UNC13C: variants seen among roughly 807,000 people sequenced by gnomAD.
UNC13C encodes protein unc-13 homolog C.
UNC13C carries 174 observed loss-of-function variants against 245.4 expected under a neutral mutation model. That is an observed-to-expected ratio of 0.71 (90% CI 0.63 to 0.80). UNC13C has a LOEUF of 0.80. Ranked by LOEUF, UNC13C falls within the 30% of genes least tolerant of loss-of-function variation. The pLI is 0.00. For missense variants in UNC13C, 2,829 were observed against 2,602.9 expected (o/e 1.09, Z -1.89); for synonymous variants, 992 against 895.1 (o/e 1.11, Z -1.93).
chr15:53,920,894 A>G, the UNC13C span, among the ~76,000 whole-genome samples: 1 of 151,130 alleles, frequency 6.6e-6, no homozygotes, highest in African/African-American at 2.4e-5. Flanking sequence ...AATAAATAAT[A>G]AATCACACTT....
chr15:54,535,163 A>C (rs1895933717), intron 26 of UNC13C, among the ~76,000 whole-genome samples: 1 of 152,162 alleles, frequency 6.6e-6, no homozygotes, highest in Non-Finnish European at 1.5e-5. Context: ...CTCAAAGTAA[A>C]GGGATGGAGA....
intron 19 of UNC13C, among the ~76,000 whole-genome samples, chr15:54,421,066 T>C (rs1352526947): frequency 6.6e-6 from 1 of 152,076 alleles, no homozygotes; most frequent in East Asian, 1.9e-4. Flanking sequence ...CTGGTTTAAA[T>C]GATTTATGAA....
chr15:54,308,968 G>C lies in UNC13C; in HGVS notation c.4268+8595G>C, dbSNP rs192434098. On this transcript the variant is annotated intron_variant, in intron 13 of 32. Transcript: ENST00000260323. ...TTGTGAGTAATGCTGCAATAAATAT[G>C]GGTGTGCGGATATTTCTTGACATAC... 6.6e-5 allele frequency among the ~76,000 whole-genome samples: 10 copies of C among 151,886 alleles called. No homozygotes were observed. The East Asian group carries it at 1.9e-3, about 30-fold the overall frequency.
intron 4 of UNC13C, among the ~76,000 whole-genome samples, chr15:54,155,771 G>A (rs1476998670): frequency 2.6e-5 from 4 of 152,132 alleles, no homozygotes; most frequent in African/African-American, 9.7e-5. Flanking sequence ...AGTTCTCAGT[G>A]CAGACTTTAT....
intron 7 of UNC13C, among the ~76,000 whole-genome samples, chr15:54,245,553 G>A (rs1003190561): frequency 6.6e-6 from 1 of 152,054 alleles, no homozygotes; most frequent in Non-Finnish European, 1.5e-5. Context: ...CAGTTTTATA[G>A]GATGATTACT....
chr15:54,054,757 A>G (rs11071018), intron 2 of UNC13C, among the ~76,000 whole-genome samples: 129,127 of 152,064 alleles, frequency 0.85, 55,026 homozygotes, highest in Middle Eastern at 0.92. Context: ...TACCCTGCCA[A>G]GTAAATGAGA....
the UNC13C span, among the ~76,000 whole-genome samples, chr15:53,861,038 C>A: frequency 1.3e-5 from 2 of 152,228 alleles, no homozygotes; most frequent in Non-Finnish European, 2.9e-5. Flanking sequence ...TTTAAATATT[C>A]TCTGAAAGCT....
rs372142677 is a variant in UNC13C at position 54,623,850 on chromosome 15, G to A, written c.6255G>A (p.Val2085=). The part of the protein sequence containing the change: ...WQTTAMFRPF[V]EVCILGPNLG... ...CCACAGCAATGTTCCGCCCCTTTGT[G>A]GAAGTTTGTATACTGGGACCCAACC... is the stretch of plus-strand genomic sequence containing the variant. Residue 2085 remains valine (V), a synonymous_variant, in exon 32 of 33, where the codon GTG becomes GTA. Transcript: ENST00000260323. The A allele has an allele frequency of 1.1e-5, 17 of 1,613,064 alleles. No homozygotes were observed. The highest frequency in any genetic ancestry group is 2.2e-5 in the South Asian group (2 of 91,032).
chr15:53,880,613 T>G, the UNC13C span, among the ~76,000 whole-genome samples: 1 of 152,148 alleles, frequency 6.6e-6, no homozygotes. Context: ...GATAACCCAG[T>G]CTGCTCTTAA....
At chr15:54,174,620 G>A (rs75568423) in intron 4 of UNC13C, among the ~76,000 whole-genome samples, 3,683 of 152,216 alleles carry the variant, frequency 0.024, 87 homozygotes, top group East Asian at 0.099. Context: ...TCTTTGAACA[G>A]TATAATTAAA....
At chr15:54,576,433 A>T (rs1897958455) in intron 30 of UNC13C, among the ~76,000 whole-genome samples, 1 of 152,152 alleles carries the variant, frequency 6.6e-6, no homozygotes, top group African/African-American at 2.4e-5. Context: ...ATGATCTTTA[A>T]GCTGATACTT....
chr15:53,982,652 G>A (rs1893972055), intron 1 of UNC13C, among the ~76,000 whole-genome samples: 1 of 152,152 alleles, frequency 6.6e-6, no homozygotes, highest in Admixed American at 6.5e-5. Context: ...GAGAATTAAT[G>A]ACACATTCCA....
At chr15:54,495,674 T>TA (rs886679810) in intron 20 of UNC13C, among the ~76,000 whole-genome samples, 2 of 151,926 alleles carry the variant, frequency 1.3e-5, no homozygotes, top group African/African-American at 4.8e-5. Flanking sequence ...AGTAATATTT[T>TA]AAAAAAATAA....
intron 32 of UNC13C, 22 bp downstream of exon 32, chr15:54,623,976 C>T (rs1596703567): frequency 6.2e-7 from 1 of 1,612,270 alleles, no homozygotes; most frequent in East Asian, 2.2e-5. Context: ...ACCCACCTTA[C>T]TTATTCTACC....
At chr15:54,593,012 G>C (rs1329819463) in intron 30 of UNC13C, among the ~76,000 whole-genome samples, 2 of 152,126 alleles carry the variant, frequency 1.3e-5, no homozygotes, top group East Asian at 3.9e-4. Flanking sequence ...TGGTAATGGT[G>C]AACTCTCTCA....
At chr15:54,563,811 C>T (rs1897392679) in intron 29 of UNC13C, among the ~76,000 whole-genome samples, 1 of 151,946 alleles carries the variant, frequency 6.6e-6, no homozygotes. Context: ...CAAGCCTCAG[C>T]AAAATGCAGA....
rs537448012 is a variant in UNC13C, at chr15:54,384,398, T to C, written c.4714-8650T>C. Among the ~76,000 whole-genome samples, 11 of 152,128 alleles carry C rather than the reference T, an allele frequency of 7.2e-5. 3 individuals are homozygous for C. Among genetic ancestry groups the C allele is most frequent in the African/African-American group, 2.4e-4 (10 of 41,524 alleles). ...ATCTTCAACATAGATTCCAGGAACA[T>C]ACACTGGGGAAAGCACACTCTCTTC... On this transcript the variant is annotated intron_variant, in intron 17 of 32. Transcript: ENST00000260323.
At chr15:54,044,176 T>C (rs772427294) in intron 2 of UNC13C, among the ~76,000 whole-genome samples, 15 of 152,216 alleles carry the variant, frequency 9.9e-5, no homozygotes, top group Non-Finnish European at 1.5e-4. Flanking sequence ...TAATGTAAGA[T>C]GTAGCCTTTT....
intron 1 of UNC13C, among the ~76,000 whole-genome samples, chr15:53,998,973 T>C (rs190903637): frequency 1.6e-3 from 245 of 152,170 alleles, no homozygotes; most frequent in Non-Finnish European, 2.5e-3. Flanking sequence ...GATCTATTAA[T>C]CTTTTTACAC....
Sources: allele counts gnomAD v4.1 joint callset (sites outside exome capture counted in the v4.1 genomes callset), GRCh38; gene constraint gnomAD v4.1.1; transcripts MANE v1.5; gene names NCBI Gene and HGNC (gene_info 2026-07-23, HGNC 2026-07-21).